The following LMF1 variants were observed in gnomAD, a reference collection of about 807,000 sequenced individuals.
The protein encoded by LMF1 is transmembrane protein 112.
A neutral mutation model predicts 60.6 loss-of-function variants in LMF1; 68 were observed. The observed-to-expected ratio is 1.12, with a 90% CI of 0.92 to 1.37. The LOEUF (loss-of-function observed/expected upper bound fraction) is 1.37. LMF1 is among the 40% of genes most tolerant of loss of function. LMF1 has a pLI of 0.00. For missense variants in LMF1, 948 were observed against 767.2 expected, an observed-to-expected ratio of 1.24 and a Z score of -2.78; for synonymous variants, 418 against 324.7, an observed-to-expected ratio of 1.29 and a Z score of -3.09.
chr16:917,109 C>T (rs1020189641), intron 3 of LMF1, among the ~76,000 whole-genome samples: 2 of 152,232 alleles, frequency 1.3e-5, no homozygotes, highest in Admixed American at 6.5e-5. Context: ...GGGCCATCTG[C>T]AGCCCAGCAC....
chr16:942,765 T>C lies in LMF1; in HGVS notation c.504-8511A>G, dbSNP rs551023429. Among the ~76,000 whole-genome samples the C allele has an allele frequency of 1.2e-4, 18 of 151,552 alleles. No individual in the cohort carries two copies. The South Asian group carries it at 3.6e-3, about 30-fold the overall frequency. The stretch of plus-strand genomic sequence containing the variant: ...CCCCATTCTCTGTGTCCTCTCTCTG[T>C]GGGGCTCCAATCACATGTATGTTAG... On this transcript the variant is annotated intron_variant, in intron 2 of 10. Coordinates refer to ENST00000262301, the MANE Select transcript of LMF1 (RefSeq NM_022773.4).
intron 1 of LMF1, among the ~76,000 whole-genome samples, chr16:955,849 C>G (rs1200830349): frequency 6.6e-6 from 1 of 152,256 alleles, no homozygotes; most frequent in Non-Finnish European, 1.5e-5. Context: ...ACTCCCAGCA[C>G]ACGCTGCAGG....
intron 3 of LMF1, among the ~76,000 whole-genome samples, chr16:921,985 T>C (rs2071444238): frequency 6.6e-6 from 1 of 152,034 alleles, no homozygotes; most frequent in African/African-American, 2.4e-5. Context: ...GGGCGGAACA[T>C]TAAAAATCCT....
chr16:923,022 G>A (rs2071485677), intron 3 of LMF1, among the ~76,000 whole-genome samples: 1 of 127,348 alleles, frequency 7.9e-6, no homozygotes, highest in African/African-American at 3.2e-5. Context: ...GTGTTGTTGC[G>A]AAGGCCCTGT....
At chr16:971,086 C>G (rs2073043029), upstream of LMF1, 1 of 1,184,958 alleles carries the variant, frequency 8.4e-7, no homozygotes. Context: ...GCCGAAGGCC[C>G]CACCCACACC....
At position 967,697 on chromosome 16, in the gene LMF1, G is replaced by A. The variant is rs111592152; in HGVS notation, c.193+3091C>T. 1.9e-3 allele frequency among the ~76,000 whole-genome samples: 285 copies of A among 152,372 alleles called. 1 individual carries two copies. The highest frequency in any genetic ancestry group is 6.5e-3 in the African/African-American group (270 of 41,586). ...GGCAGCCTCGGTCCTCCCAGGAGCC[G>A]TCACGGCCCGAGAACGCCGCTGCCC... On this transcript the variant is annotated intron_variant, in intron 1 of 10. Transcript: ENST00000262301.
At chr16:903,676 T>G (rs1449597800) in intron 4 of LMF1, 2 of 116,878 alleles carry the variant, frequency 1.7e-5, no homozygotes, top group African/African-American at 8.5e-5. Context: ...CGCCTGTCTC[T>G]GCTGCGTGGT....
intron 3 of LMF1, among the ~76,000 whole-genome samples, chr16:922,522 C>T (rs111893872): frequency 0.066 from 8,975 of 135,534 alleles, 284 homozygotes; most frequent in Non-Finnish European, 0.093. Flanking sequence ...TGAAGAAAGT[C>T]GCCTCGGTTT....
intron 4 of LMF1, among the ~76,000 whole-genome samples, chr16:908,152 GAA>G (rs1354998739): frequency 1.3e-5 from 2 of 152,198 alleles, no homozygotes; most frequent in Non-Finnish European, 2.9e-5. Flanking sequence ...GCAGAGGGTG[GAA>G]CCTAAAACTA....
chr16:882,775 G>A (rs1331779000), intron 5 of LMF1, among the ~76,000 whole-genome samples: 12 of 128,544 alleles, frequency 9.3e-5, no homozygotes, highest in South Asian at 2.6e-4. Flanking sequence ...TGCCCAGCGG[G>A]GCCCATCGCA....
At chr16:898,635 C>T (rs1281178724) in intron 4 of LMF1, among the ~76,000 whole-genome samples, 11 of 152,322 alleles carry the variant, frequency 7.2e-5, no homozygotes, top group Non-Finnish European at 1.5e-4. Flanking sequence ...CCAAGAATCA[C>T]CAGGCCTTGG....
chr16:976,094 T>C (rs9931054), intron 1 of LMF1: 35,564 of 404,600 alleles, frequency 0.088, 1,603 homozygotes, highest in African/African-American at 0.12. Flanking sequence ...AAACGCTGAT[T>C]TTTCTGGAGT....
At chr16:860,638 G>T (rs750241455) in intron 10 of LMF1, among the ~76,000 whole-genome samples, 1 of 152,162 alleles carries the variant, frequency 6.6e-6, no homozygotes, top group Non-Finnish European at 1.5e-5. Context: ...ACCATGCCTG[G>T]CCCTGAAAGT....
intron 6 of LMF1, among the ~76,000 whole-genome samples, chr16:875,043 C>T (rs1053027893): frequency 5.3e-5 from 8 of 152,168 alleles, no homozygotes; most frequent in African/African-American, 1.2e-4. Flanking sequence ...CGCCAGGCCA[C>T]GCCGCAGAGC....
intron 3 of LMF1, among the ~76,000 whole-genome samples, chr16:916,901 C>T (rs898624485): frequency 6.6e-6 from 1 of 152,202 alleles, no homozygotes; most frequent in Non-Finnish European, 1.5e-5. Context: ...TGTTGAGCTC[C>T]GGGTCTGTTA....
chr16:871,347 G>C lies in LMF1; in HGVS notation c.898-6C>G. On this transcript the variant is annotated splice_region_variant and splice_polypyrimidine_tract_variant and intron_variant, in intron 6 of 10. Transcript: ENST00000262301. ...CCGCTGACGATGAGGACGGCCTGTG[G>C]AGACGCCGCAGCTGAGTCTCGTGCA... 1 of 1,611,606 alleles carries C rather than the reference G, an allele frequency of 6.2e-7. No homozygotes were observed. Among genetic ancestry groups the C allele is most frequent in the Non-Finnish European group, 8.5e-7 (1 of 1,179,624 alleles).
intron 2 of LMF1, among the ~76,000 whole-genome samples, chr16:944,885 C>T (rs879475842): frequency 3.1e-4 from 47 of 151,040 alleles, no homozygotes; most frequent in African/African-American, 7.3e-4. Context: ...ATGTACTCTT[C>T]GGAGTCAAAG....
chr16:908,061 C>T (rs1239660535), intron 4 of LMF1, among the ~76,000 whole-genome samples: 5 of 152,132 alleles, frequency 3.3e-5, no homozygotes, highest in African/African-American at 1.2e-4. Context: ...AGGGCTTCGG[C>T]CTGACAGCGC....
At chr16:898,709 T>A (rs941177720) in intron 4 of LMF1, among the ~76,000 whole-genome samples, 1 of 152,252 alleles carries the variant, frequency 6.6e-6, no homozygotes, top group Non-Finnish European at 1.5e-5. Context: ...AGGTCTGCTG[T>A]AGACTCTCAG....
Sources: allele counts gnomAD v4.1 joint callset (sites outside exome capture counted in the v4.1 genomes callset), GRCh38; gene constraint gnomAD v4.1.1; transcripts MANE v1.5; gene names NCBI Gene and HGNC (gene_info 2026-07-23, HGNC 2026-07-21).